The following PTGES2 variants were observed in gnomAD, a reference collection of about 807,000 sequenced individuals.
The protein encoded by PTGES2 is prostaglandin E synthase 2.
A neutral mutation model predicts 44.5 loss-of-function variants in PTGES2; 35 were observed. The ratio of observed to expected loss-of-function variants is 0.79; its 90% confidence interval spans 0.60 to 1.04. The LOEUF (loss-of-function observed/expected upper bound fraction) is 1.04. Ranked by LOEUF, PTGES2 falls within the 50% of genes least tolerant of loss-of-function variation. PTGES2 has a pLI of 0.00. For synonymous variants in PTGES2, 221 were observed against 227.5 expected (o/e 0.97, Z 0.26); for missense variants, 517 against 521.4 (o/e 0.99, Z 0.08).
rs1271180773 is a variant in PTGES2 at position 128,122,411 on chromosome 9, C to A, written c.956G>T (p.Gly319Val). The A allele has an allele frequency of 1.9e-6, 3 of 1,614,218 alleles. No individual in the cohort carries two copies. Among genetic ancestry groups the A allele is most frequent in the Admixed American group, 1.7e-5 (1 of 60,034 alleles). ...GCCCCCCATGAAGGGCCGGTCCTTG[C>A]CCACAGCAGCCACCCACTTGTCAGC... Reference protein sequence around the residue: ...EAADKWVAAVGKDRPFMGGQK... With the variant: ...EAADKWVAAVVKDRPFMGGQK... Residue 319 changes from glycine to valine, a missense_variant, in exon 6 of 7, where the codon GGC becomes GTC. Physicochemically the swap from Gly to Val is moderately radical, Grantham distance 109. Coordinates refer to ENST00000338961, the MANE Select transcript of PTGES2 (RefSeq NM_025072.7).
intron 6 of PTGES2, 56 bp downstream of exon 6, chr9:128,122,306 C>T: frequency 7.1e-7 from 1 of 1,402,496 alleles, no homozygotes; most frequent in Non-Finnish European, 1.0e-6. Flanking sequence ...GCAAACCTCC[C>T]CCACTCTGAG....
At chr9:128,125,768 AC>A (rs2130855439) in intron 1 of PTGES2, among the ~76,000 whole-genome samples, 1 of 151,968 alleles carries the variant, frequency 6.6e-6, no homozygotes, top group South Asian at 2.1e-4. Flanking sequence ...CAGGGTATAC[AC>A]CCCACTCCCA....
intron 6 of PTGES2, among the ~76,000 whole-genome samples, 194 bp from the exon 7 acceptor site, chr9:128,121,467 CT>C (rs1297682538): frequency 6.6e-6 from 1 of 152,142 alleles, no homozygotes; most frequent in Non-Finnish European, 1.5e-5. Context: ...TGCTTCACAT[CT>C]GTACCCCCTT....
Position 128,123,689 on chromosome 9 carries a change from C to T in PTGES2, c.686+13G>A. The T allele has an allele frequency of 6.2e-7, 1 of 1,611,048 alleles. No homozygotes were observed. The highest frequency in any genetic ancestry group is 1.1e-5 in the South Asian group (1 of 90,960). On this transcript the variant is annotated intron_variant, in intron 4 of 6. Coordinates refer to ENST00000338961, the MANE Select transcript of PTGES2 (RefSeq NM_025072.7). The surrounding 1 kb of genome is among the most constrained non-coding windows in gnomAD (Gnocchi z 4.4). ...GGTCACCACCTTCCCCCGCCAGCCCCAGCCCCACTCACGTCCTGGCCTCCT... is the reference window on the plus strand; with the variant it reads ...GGTCACCACCTTCCCCCGCCAGCCCTAGCCCCACTCACGTCCTGGCCTCCT...
chr9:128,122,329 G>A (rs774428309), intron 6 of PTGES2, 33 bp downstream of exon 6: 32 of 1,552,722 alleles, frequency 2.1e-5, no homozygotes, highest in East Asian at 6.7e-5. Flanking sequence ...CAGAACCCTC[G>A]GTCCAGGCAC....
At chr9:128,124,351 TG>T (rs1834538394) in intron 3 of PTGES2, 140 bp downstream of exon 3, 5 of 650,248 alleles carry the variant, frequency 7.7e-6, no homozygotes, top group Non-Finnish European at 1.3e-5. Flanking sequence ...CCCAAAGTGC[TG>T]GGATTACAGG....
chr9:128,125,445 C>A lies in PTGES2; in HGVS notation c.280-4G>T, dbSNP rs780251976. 37 of 1,613,556 alleles carry A rather than the reference C, an allele frequency of 2.3e-5. No homozygotes were observed. The highest frequency in any genetic ancestry group is 2.2e-5 in the East Asian group (1 of 44,892). ...GCAGGCGGCTGGACAGGGAGAGCTG[C>A]GGGCAGCAGACGGAAAAGGCTTCTA... On this transcript the variant is annotated splice_polypyrimidine_tract_variant and splice_region_variant and intron_variant, in intron 1 of 6. Coordinates refer to ENST00000338961, the MANE Select transcript of PTGES2 (RefSeq NM_025072.7).
intron 5 of PTGES2, 40 bp from the exon 6 acceptor site, chr9:128,122,519 C>T: frequency 1.9e-6 from 3 of 1,560,816 alleles, no homozygotes; most frequent in Non-Finnish European, 2.6e-6. Flanking sequence ...GGAGCCCCCA[C>T]TCCCAGCCCA....
chr9:128,123,012 A>G lies in PTGES2; in HGVS notation c.809T>C (p.Phe270Ser), dbSNP rs780966307. 4.3e-6 allele frequency: 7 copies of G among 1,613,774 alleles called. No homozygotes were observed. The highest frequency in any genetic ancestry group is 5.9e-6 in the Non-Finnish European group (7 of 1,179,986). The change falls in exon 5 of 7, where the codon TTC becomes TCC. Residue 270 changes from phenylalanine (F) to serine (S), a missense_variant. Coordinates refer to ENST00000338961, the MANE Select transcript of PTGES2 (RefSeq NM_025072.7). This position sits in a 1 kb window ranked among gnomAD's most constrained non-coding sequence, Gnocchi z 4.4. ...SFDYIVREGK[F>S]GAVEGAVAKY... ...GGCCACGGCACCCTCCACGGCTCCG[A>G]ACTTGCCCTCGCGGACAATGTAGTC...
chr9:128,123,882 TC>T lies in PTGES2; in HGVS notation c.537-32del. On this transcript the variant is annotated intron_variant, in intron 3 of 6. Coordinates refer to ENST00000338961, the MANE Select transcript of PTGES2 (RefSeq NM_025072.7). The surrounding 1 kb of genome is among the most constrained non-coding windows in gnomAD (Gnocchi z 4.4). Reference sequence around the variant, plus strand: ...GAGAGAGCCACAATATCACCCCAACTCCTTCCCCCTCCGTCCCCTGTGGCCG... The same window carrying T: ...GAGAGAGCCACAATATCACCCCAACTCTTCCCCCTCCGTCCCCTGTGGCCG... The T allele has an allele frequency of 6.2e-7, 1 of 1,603,204 alleles. No individual in the cohort carries two copies. The highest frequency in any genetic ancestry group is 8.5e-7 in the Non-Finnish European group (1 of 1,171,758).
chr9:128,122,370 C>G lies in PTGES2; in HGVS notation c.997G>C (p.Ala333Pro), dbSNP rs753136190. The G allele has an allele frequency of 1.2e-6, 2 of 1,613,460 alleles. No individual in the cohort carries two copies. The highest frequency in any genetic ancestry group is 1.3e-5 in the African/African-American group (1 of 74,922). Residue 333 changes from alanine (A) to proline (P), a missense_variant, in exon 6 of 7, where the codon GCT becomes CCT. Ala to Pro is a conservative substitution (Grantham distance 27). Coordinates refer to ENST00000338961, the MANE Select transcript of PTGES2 (RefSeq NM_025072.7). The part of the protein sequence containing the change: ...PFMGGQKPNL[A>P]DLAVYGVLRV... ...GCCACCACCACACTCACCAAATCAGCGAGATTCGGCTTCTGGCCCCCCATG... is the reference window on the plus strand; with the variant it reads ...GCCACCACCACACTCACCAAATCAGGGAGATTCGGCTTCTGGCCCCCCATG...
upstream of PTGES2, chr9:128,128,281 T>A (rs1248064353): frequency 6.6e-6 from 3 of 455,916 alleles, no homozygotes; most frequent in Non-Finnish European, 1.3e-5. Flanking sequence ...TGTCTCTGAT[T>A]TCGCCCACGC....
upstream of PTGES2, chr9:128,128,351 A>C (rs1161480634): frequency 2.2e-6 from 1 of 455,704 alleles, no homozygotes; most frequent in East Asian, 7.0e-5. Flanking sequence ...GTGGGGTGCC[A>C]GGCTGCTCGG....
chr9:128,124,453 C>G, intron 3 of PTGES2, 39 bp downstream of exon 3: 1 of 1,604,560 alleles, frequency 6.2e-7, no homozygotes, highest in Non-Finnish European at 8.5e-7. Flanking sequence ...AGGAAGCCAC[C>G]AAAAGCAATG....
At chr9:128,124,135 T>G (rs1834529914) in intron 3 of PTGES2, among the ~76,000 whole-genome samples, 1 of 150,784 alleles carries the variant, frequency 6.6e-6, no homozygotes, top group Non-Finnish European at 1.5e-5. Flanking sequence ...CAGGCTGGAG[T>G]GCAGTGGCAC....
In PTGES2 at chr9:128,127,702, G is replaced by A; in HGVS notation, c.16C>T (p.Arg6Trp). 3 of 1,282,306 alleles carry A rather than the reference G, an allele frequency of 2.3e-6. No individual in the cohort carries two copies. The highest frequency in any genetic ancestry group is 3.2e-5 in the East Asian group (1 of 31,720). 79.4% of individuals were successfully genotyped at this position (1,282,306 alleles called of 1,614,324 possible). A position where few individuals can be genotyped will look rare whatever the true frequency, so the allele number is the denominator to read the frequency against. The change falls in exon 1 of 7, where the codon CGG becomes TGG. Residue 6 changes from arginine (R) to tryptophan (W), a missense_variant. Arg to Trp is a moderately radical substitution (Grantham distance 101, BLOSUM62 -3). Transcript: ENST00000338961. ...CCAGGCCACAGCGCCCGCACCACCC[G>A]CGCAGCCGGGTCCATGTTCGCTCCG... MDPAA[R>W]VVRALWPGGC...
chr9:128,125,533 ATGACGCTAG>A, intron 1 of PTGES2, 92 bp from the exon 2 acceptor site: 1 of 1,173,686 alleles, frequency 8.5e-7, no homozygotes, highest in Non-Finnish European at 1.2e-6. Context: ...GTCTTCTGAA[ATGACGCTAG>A]AACATCGGGA....
chr9:128,122,872 A>G lies in PTGES2; in HGVS notation c.887+62T>C. On this transcript the variant is annotated intron_variant, in intron 5 of 6. Coordinates refer to ENST00000338961, the MANE Select transcript of PTGES2 (RefSeq NM_025072.7). The stretch of plus-strand genomic sequence containing the variant: ...GTCTCCTGAGGGGTGTGATGGGATC[A>G]CCACTGCTCGTGGCACCGGAGGCTC... The G allele has an allele frequency of 1.9e-6, 3 of 1,561,104 alleles. No homozygotes were observed. In the South Asian group the frequency reaches 3.3e-5, roughly 17 times the overall value.
At chr9:128,127,867 G>C, upstream of PTGES2, 1 of 816,584 alleles carries the variant, frequency 1.2e-6, no homozygotes, top group Non-Finnish European at 1.6e-6. Context: ...GACTGGGCGT[G>C]TGCCCGGCGC....
Sources: allele counts gnomAD v4.1 joint callset (sites outside exome capture counted in the v4.1 genomes callset), GRCh38; gene constraint gnomAD v4.1.1; non-coding constraint Gnocchi (gnomAD v3.1); transcripts MANE v1.5; gene names NCBI Gene and HGNC (gene_info 2026-07-23, HGNC 2026-07-21).